CFAP69: variants seen among roughly 807,000 people sequenced by gnomAD.
CFAP69 encodes the protein cilia- and flagella-associated protein 69.
Under a neutral mutation model 123.0 loss-of-function variants are expected in CFAP69, and 92 were observed. The ratio of observed to expected loss-of-function variants is 0.75; its 90% confidence interval spans 0.63 to 0.89. The LOEUF (loss-of-function observed/expected upper bound fraction) is 0.89, where lower values mean the gene tolerates loss of function less well. Ranked by LOEUF, CFAP69 falls within the 40% of genes least tolerant of loss-of-function variation. The pLI, the probability that CFAP69 is intolerant of heterozygous loss-of-function variation, is 0.00. For missense variants in CFAP69, 1,067 were observed against 1,096.9 expected, an observed-to-expected ratio of 0.97 and a Z score of 0.39; for synonymous variants, 380 against 364.3, an observed-to-expected ratio of 1.04 and a Z score of -0.49.
In CFAP69 at chr7:90,303,998, C is replaced by A. The variant is rs1326578024; in HGVS notation, c.2080C>A (p.Gln694Lys). ...AAAAAAACCTCTATTTACTAGCTTT[C>A]AAGAAGAGCAAAAAATCATCCCACT... ...DTKKPLFTSF[Q>K]EEQKIIPLPA... is the part of the protein sequence containing the mutation. The change falls in exon 18 of 23, where the codon CAA becomes AAA. Residue 694 changes from glutamine to lysine, a missense_variant. Gln to Lys is a moderately conservative substitution (Grantham distance 53). Transcript: ENST00000389297. 6.4e-7 allele frequency: 1 copy of A among 1,550,478 alleles called. No individual in the cohort carries two copies. Among genetic ancestry groups the A allele is most frequent in the East Asian group, 2.4e-5 (1 of 40,820 alleles).
At chr7:90,265,445 T>G in intron 5 of CFAP69, 68 bp downstream of exon 5, 3 of 1,063,528 alleles carry the variant, frequency 2.8e-6, no homozygotes, top group Non-Finnish European at 4.2e-6. Context: ...AGGGAATATC[T>G]ATTTTCCCCA....
chr7:90,304,656 T>TAGAC, intron 18 of CFAP69, 88 bp from the exon 19 acceptor site: 1 of 895,292 alleles, frequency 1.1e-6, no homozygotes, highest in Non-Finnish European at 1.4e-6. Flanking sequence ...GATAGATAGA[T>TAGAC]AGATAGATAG....
chr7:90,245,442 C>A lies in CFAP69; in HGVS notation c.18C>A (p.Ala6=), dbSNP rs1157023618. ...CACCGGCCATGTGGACAGAGGAAGCCGGGGCGACCGCCGAGGCCCAGGAAT... is the reference window on the plus strand; with the variant it reads ...CACCGGCCATGTGGACAGAGGAAGCAGGGGCGACCGCCGAGGCCCAGGAAT... MWTEE[A]GATAEAQESG... Residue 6 remains alanine, a synonymous_variant, in exon 1 of 23, where the codon GCC becomes GCA. Coordinates refer to ENST00000389297, the MANE Select transcript of CFAP69 (RefSeq NM_001039706.3). The A allele has an allele frequency of 1.9e-6, 3 of 1,557,408 alleles. No individual in the cohort carries two copies. Among genetic ancestry groups the A allele is most frequent in the East Asian group, 2.6e-5 (1 of 38,420 alleles).
chr7:90,252,250 T>C (rs1797117304), intron 1 of CFAP69, among the ~76,000 whole-genome samples: 1 of 152,140 alleles, frequency 6.6e-6, no homozygotes, highest in African/African-American at 2.4e-5. Context: ...GGCAGAAGTC[T>C]ATTTACCAAA....
intron 4 of CFAP69, among the ~76,000 whole-genome samples, chr7:90,264,602 G>A (rs1027050490): frequency 3.9e-5 from 6 of 152,048 alleles, no homozygotes; most frequent in South Asian, 2.1e-4. Context: ...ATCCAATGTC[G>A]TACTAACTTT....
At position 90,306,951 on chromosome 7, in the gene CFAP69, A is replaced by C; in HGVS notation, c.2316A>C (p.Leu772Phe). 1 of 1,573,576 alleles carries C rather than the reference A, an allele frequency of 6.4e-7. No homozygotes were observed. The highest frequency in any genetic ancestry group is 8.7e-7 in the Non-Finnish European group (1 of 1,148,510). Reference sequence around the variant, plus strand: ...ATGAAGAAATAAAATTAGAAAAATTAAGACCAGTCACTACAGATAAAAAAG... The same window carrying C: ...ATGAAGAAATAAAATTAGAAAAATTCAGACCAGTCACTACAGATAAAAAAG... Reference protein sequence around the residue: ...EIYEEIKLEKLRPVTTDKKAL... With the variant: ...EIYEEIKLEKFRPVTTDKKAL... The change falls in exon 20 of 23, where the codon TTA becomes TTC. Residue 772 changes from leucine (L) to phenylalanine (F), a missense_variant. By Grantham distance (22) the Leu-to-Phe change is conservative. Transcript: ENST00000389297.
In CFAP69 at chr7:90,248,180, C is replaced by T. The variant is rs117634434; in HGVS notation, c.120+2636C>T. On this transcript the variant is annotated intron_variant, in intron 1 of 22. Coordinates refer to ENST00000389297, the MANE Select transcript of CFAP69 (RefSeq NM_001039706.3). ...ATGTTTCTAAGTTGCAGCTGGATTT[C>T]CTAATATAGAAATGCTACTTTGGCT... Among the ~76,000 whole-genome samples the T allele has an allele frequency of 7.9e-5, 12 of 152,272 alleles. No individual in the cohort carries two copies. In the East Asian group the frequency reaches 1.5e-3, roughly 20 times the overall value.
chr7:90,252,466 C>T (rs1797146975), intron 1 of CFAP69, among the ~76,000 whole-genome samples: 1 of 151,996 alleles, frequency 6.6e-6, no homozygotes, highest in African/African-American at 2.4e-5. Flanking sequence ...CCAGGCATTC[C>T]AGAACAGCCT....
chr7:90,312,737 G>A (rs1416907495), downstream of CFAP69: 1 of 152,146 alleles, frequency 6.6e-6, no homozygotes, highest in African/African-American at 2.4e-5. Context: ...AGCCCTAGGG[G>A]ACATGATGCC....
At chr7:90,304,265 C>A (rs1793228527) in intron 18 of CFAP69, 159 bp downstream of exon 18, 1 of 1,354,218 alleles carries the variant, frequency 7.4e-7, no homozygotes, top group Admixed American at 3.3e-5. Flanking sequence ...CACCCCTCAC[C>A]AATTAAATCA....
In CFAP69 at chr7:90,267,400, G is replaced by A. The variant is rs543935936; in HGVS notation, c.434-886G>A. On this transcript the variant is annotated intron_variant, in intron 5 of 22. Coordinates refer to ENST00000389297, the MANE Select transcript of CFAP69 (RefSeq NM_001039706.3). ...CCAGTTCTAGTTTAGTTCTAAGGTCGATATTACTGACTACCGCTGTCCTTG... is the reference window on the plus strand; with the variant it reads ...CCAGTTCTAGTTTAGTTCTAAGGTCAATATTACTGACTACCGCTGTCCTTG... 1.1e-4 allele frequency among the ~76,000 whole-genome samples: 16 copies of A among 152,186 alleles called. No individual in the cohort carries two copies. In the South Asian group the frequency reaches 2.7e-3, roughly 26 times the overall value.
At chr7:90,323,240 C>T in the CFAP69 span, among the ~76,000 whole-genome samples, 2 of 152,140 alleles carry the variant, frequency 1.3e-5, no homozygotes, top group East Asian at 1.9e-4. Flanking sequence ...CTACTTGCTA[C>T]ATTCAAATAG....
rs1799025258 is a variant in CFAP69, at chr7:90,265,471, A to T, written c.433+94A>T. 5.2e-6 allele frequency: 4 copies of T among 770,120 alleles called. No homozygotes were observed. The South Asian group carries it at 6.8e-5, about 13-fold the overall frequency. 47.7% of individuals were successfully genotyped at this position (770,120 alleles called of 1,614,324 possible). ...ATTTTCCCCAAGTTTCACTAAGAGG[A>T]CTCCTTCTCCATGTCTAGGATCTTC... On this transcript the variant is annotated intron_variant, in intron 5 of 22. Coordinates refer to ENST00000389297, the MANE Select transcript of CFAP69 (RefSeq NM_001039706.3).
rs543373607 is a variant in CFAP69, at chr7:90,306,491, A to T, written c.2266-410A>T. 1.3e-4 allele frequency among the ~76,000 whole-genome samples: 20 copies of T among 152,316 alleles called. No homozygotes were observed. In the South Asian group the frequency reaches 3.9e-3, roughly 30 times the overall value. The stretch of plus-strand genomic sequence containing the variant: ...GGGTTCTAGGGTCCTAGTAATCCCC[A>T]TGTTCATTCTCCTAAAAGTTCATCT... On this transcript the variant is annotated intron_variant, in intron 19 of 22. Coordinates refer to ENST00000389297, the MANE Select transcript of CFAP69 (RefSeq NM_001039706.3).
the CFAP69 span, among the ~76,000 whole-genome samples, chr7:90,320,183 C>T: frequency 6.6e-6 from 1 of 152,314 alleles, no homozygotes. Flanking sequence ...GTCCTTTCTA[C>T]ATGTAACATA....
intron 6 of CFAP69, among the ~76,000 whole-genome samples, chr7:90,270,400 T>C (rs1417001827): frequency 1.3e-5 from 2 of 152,166 alleles, no homozygotes; most frequent in Admixed American, 1.3e-4. Context: ...AATATAAAAT[T>C]CTGTATACTA....
At chr7:90,287,555 A>C (rs1790484447) in intron 14 of CFAP69, 1 of 985,138 alleles carries the variant, frequency 1.0e-6, no homozygotes, top group Admixed American at 6.2e-5. Flanking sequence ...TTAAATAGCA[A>C]GGGATGGAAT....
Position 90,282,936 on chromosome 7 carries a change from C to T in CFAP69, c.1417C>T (p.Arg473Ter), listed in dbSNP as rs1789709158. The T allele has an allele frequency of 4.4e-6, 7 of 1,582,426 alleles. No individual in the cohort carries two copies. The highest frequency in any genetic ancestry group is 1.4e-5 in the African/African-American group (1 of 73,436). ...TAACAGTTTTCATGGTACAGGTGGC[C>T]GAGGCAACAAGTTTGCCCAGATGCG... ...HGNSFHGTGGRGNKFAQMRYS... is the reference protein window; with the variant it reads ...HGNSFHGTGG The change falls in exon 13 of 23, where the codon CGA becomes TGA. Residue 473 changes from arginine to a stop codon, truncating the protein, a stop_gained. Coordinates refer to ENST00000389297, the MANE Select transcript of CFAP69 (RefSeq NM_001039706.3). LOFTEE classifies it high-confidence loss of function.
At chr7:90,291,500 C>T (rs569601825) in intron 15 of CFAP69, among the ~76,000 whole-genome samples, 6 of 152,116 alleles carry the variant, frequency 3.9e-5, no homozygotes, top group Admixed American at 6.6e-5. Flanking sequence ...CTTAGAATGC[C>T]GTGACCATCT....
Sources: gnomAD v4.1 joint callset for allele counts (sites outside exome capture counted in the v4.1 genomes callset) on GRCh38, gnomAD v4.1.1 for gene constraint, MANE v1.5 for transcripts, NCBI Gene and HGNC (gene_info 2026-07-23, HGNC 2026-07-21) for gene names.